Variants in EYA1 observed in about 807,000 individuals in gnomAD.
The protein encoded by EYA1 is protein phosphatase EYA1.
A neutral mutation model predicts 82.0 loss-of-function variants in EYA1; 16 were observed. That is an observed-to-expected ratio of 0.20 (90% CI 0.13 to 0.30). The LOEUF is 0.30. Among genes scored for constraint, EYA1 ranks in the 10% least tolerant of loss-of-function variants. EYA1 has a pLI of 1.00. For missense variants in EYA1, 633 were observed against 730.7 expected, an observed-to-expected ratio of 0.87 and a Z score of 1.54; for synonymous variants, 261 against 264.4, an observed-to-expected ratio of 0.99 and a Z score of 0.12.
At chr8:71,540,341 G>A (rs1815047291) in intron 1 of EYA1, among the ~76,000 whole-genome samples, 1 of 152,190 alleles carries the variant, frequency 6.6e-6, no homozygotes, top group Non-Finnish European at 1.5e-5. Flanking sequence ...CTAAAGCCAG[G>A]CAATTGACAA....
chr8:71,369,032 C>CAAA (rs60647486), intron 2 of EYA1, among the ~76,000 whole-genome samples: 106 of 112,800 alleles, frequency 9.4e-4, no homozygotes, highest in African/African-American at 1.7e-3. Context: ...ACTAAAAATA[C>CAAA]AAAAAAAAAA....
At chr8:71,370,219 G>A (rs929312577) in intron 2 of EYA1, among the ~76,000 whole-genome samples, 10 of 151,752 alleles carry the variant, frequency 6.6e-5, no homozygotes, top group Non-Finnish European at 1.5e-4. Context: ...AACCCTACAC[G>A]TCCTGCCTTT....
chr8:71,250,773 T>C (rs1160779216), intron 11 of EYA1, among the ~76,000 whole-genome samples: 2 of 152,198 alleles, frequency 1.3e-5, no homozygotes, highest in South Asian at 2.1e-4. Context: ...CTGTATATCC[T>C]TGGTACTCAA....
intron 2 of EYA1, among the ~76,000 whole-genome samples, chr8:71,388,852 T>C (rs1365109598): frequency 1.3e-5 from 2 of 152,132 alleles, no homozygotes; most frequent in African/African-American, 4.8e-5. Flanking sequence ...AGTCTTATGC[T>C]GACTGGTCCT....
intron 10 of EYA1, among the ~76,000 whole-genome samples, chr8:71,271,186 G>A (rs1816488152): frequency 1.3e-5 from 2 of 152,130 alleles, no homozygotes; most frequent in South Asian, 4.1e-4. Context: ...ATAATTATGG[G>A]GTACATGAGA....
In EYA1 at chr8:71,389,898, G is replaced by A. The variant is rs535780462; in HGVS notation, c.34-33387C>T. 7.2e-4 allele frequency among the ~76,000 whole-genome samples: 109 copies of A among 152,024 alleles called. 1 individual carries two copies. Among genetic ancestry groups the A allele is most frequent in the African/African-American group, 2.5e-3 (105 of 41,454 alleles). ...CCTTTCCCTTTGTTCAGTTAATTGG[G>A]TATATATATATACATTTATATTTTT... On this transcript the variant is annotated intron_variant, in intron 2 of 18. Coordinates refer to the EYA1 transcript ENST00000643681.
At chr8:71,366,758 T>C (rs1032251551), upstream of EYA1, among the ~76,000 whole-genome samples, 15 of 152,318 alleles carry the variant, frequency 9.8e-5, no homozygotes, top group East Asian at 3.9e-4. Context: ...TCACTATTGG[T>C]TCTGGAACCT....
At chr8:71,337,783 T>C (rs1303659313) in intron 3 of EYA1, among the ~76,000 whole-genome samples, 2 of 152,244 alleles carry the variant, frequency 1.3e-5, no homozygotes, top group African/African-American at 2.4e-5. Context: ...TTGGGCTGAA[T>C]GCCTTCCTCC....
chr8:71,278,999 G>A (rs1817517537), intron 9 of EYA1, among the ~76,000 whole-genome samples: 1 of 152,154 alleles, frequency 6.6e-6, no homozygotes, highest in South Asian at 2.1e-4. Flanking sequence ...CTAGCCGAGA[G>A]GAAGCTCTCA....
At chr8:71,308,516 G>A (rs1820972913) in intron 7 of EYA1, among the ~76,000 whole-genome samples, 1 of 152,084 alleles carries the variant, frequency 6.6e-6, no homozygotes, top group African/African-American at 2.4e-5. Context: ...ATGCAGTTCT[G>A]TAAGTGCTAA....
intron 9 of EYA1, among the ~76,000 whole-genome samples, chr8:71,274,562 T>TGCAG (rs1490735824): frequency 5.1e-4 from 78 of 152,276 alleles, no homozygotes; most frequent in African/African-American, 1.7e-3. Context: ...GTTCACACCA[T>TGCAG]GCAGGCACTG....
At chr8:71,390,968 T>TTTTTTG (rs950712251) in intron 2 of EYA1, among the ~76,000 whole-genome samples, 1 of 152,038 alleles carries the variant, frequency 6.6e-6, no homozygotes, top group African/African-American at 2.4e-5. Flanking sequence ...AAATTTACCT[T>TTTTTTG]TTTTTGTTTT....
At chr8:71,436,228 G>T (rs556011825) in intron 2 of EYA1, among the ~76,000 whole-genome samples, 1 of 152,126 alleles carries the variant, frequency 6.6e-6, no homozygotes, top group East Asian at 1.9e-4. Context: ...AAATCAGATA[G>T]CATATCCCAT....
At chr8:71,218,840 G>A (rs1027393136) in intron 12 of EYA1, among the ~76,000 whole-genome samples, 5 of 151,850 alleles carry the variant, frequency 3.3e-5, no homozygotes, top group Admixed American at 3.3e-4. Flanking sequence ...GGGGGGAGAG[G>A]GGAAGGCCAT....
chr8:71,278,904 G>A (rs1392275524), intron 9 of EYA1, among the ~76,000 whole-genome samples: 1 of 152,204 alleles, frequency 6.6e-6, no homozygotes, highest in African/African-American at 2.4e-5. Context: ...CGTGCTTTGG[G>A]AGGGTGGAGG....
At chr8:71,425,102 T>TAAAAAAAA (rs1831349809) in intron 2 of EYA1, among the ~76,000 whole-genome samples, 1 of 20,936 alleles carries the variant, frequency 4.8e-5, no homozygotes, top group Non-Finnish European at 1.0e-4. Flanking sequence ...CCACTAAAAA[T>TAAAAAAAA]ACAAAAAAAA....
At chr8:71,527,210 C>G (rs1813884035) in intron 2 of EYA1, among the ~76,000 whole-genome samples, 1 of 152,096 alleles carries the variant, frequency 6.6e-6, no homozygotes, top group African/African-American at 2.4e-5. Context: ...CAAATGCAAT[C>G]CTGGAACTAT....
At chr8:71,293,222 C>T (rs554482373) in intron 9 of EYA1, among the ~76,000 whole-genome samples, 1 of 152,168 alleles carries the variant, frequency 6.6e-6, no homozygotes, top group African/African-American at 2.4e-5. Context: ...AGACAGTCTA[C>T]CCAAACTCAC....
chr8:71,306,143 A>AG (rs1282127543), intron 7 of EYA1, among the ~76,000 whole-genome samples: 1 of 152,184 alleles, frequency 6.6e-6, no homozygotes, highest in Non-Finnish European at 1.5e-5. Flanking sequence ...CAGCAAAATG[A>AG]CATGAAGACA....
Sources: allele counts gnomAD v4.1 joint callset (sites outside exome capture counted in the v4.1 genomes callset), GRCh38; gene constraint gnomAD v4.1.1; transcripts MANE v1.5; gene names NCBI Gene and HGNC (gene_info 2026-07-23, HGNC 2026-07-21).